The following B3GNT6 variants were observed in gnomAD, a reference collection of about 807,000 sequenced individuals.
B3GNT6 encodes the protein acetylgalactosaminyl-O-glycosyl-glycoprotein beta-1,3-N-acetylglucosaminyltransferase.
For synonymous variants in B3GNT6, 300 were observed against 270.0 expected (o/e 1.11, Z -1.09); for missense variants, 624 against 568.6 (o/e 1.10, Z -0.99).
Position 77,040,617 on chromosome 11 carries a change from C to T in B3GNT6, c.1066C>T (p.His356Tyr), listed in dbSNP as rs782540707. 3.1e-6 allele frequency: 5 copies of T among 1,598,312 alleles called. No individual in the cohort carries two copies. Among genetic ancestry groups the T allele is most frequent in the Non-Finnish European group, 3.4e-6 (4 of 1,178,514 alleles). The change falls in exon 2 of 2, where the codon CAC (histidine) becomes TAC (tyrosine). Residue 356 changes from histidine (H) to tyrosine (Y), a missense_variant. Transcript: ENST00000622824. ...CATGTACCGCGAGTTGCTGCTAGTG[C>T]ACCGCTTCGCGCCCTACGAGATGCT... ...PCMYRELLLVHRFAPYEMLLM... is the reference protein window; with the variant it reads ...PCMYRELLLVYRFAPYEMLLM...
At chr11:77,039,099 A>G (rs1555027317) in intron 1 of B3GNT6, among the ~76,000 whole-genome samples, 1 of 152,194 alleles carries the variant, frequency 6.6e-6, no homozygotes, top group Non-Finnish European at 1.5e-5. Context: ...TCCGAGCTGG[A>G]CAGAGGCGGA....
intron 1 of B3GNT6, among the ~76,000 whole-genome samples, chr11:77,036,906 G>T (rs1304199436): frequency 2.0e-5 from 3 of 152,170 alleles, no homozygotes; most frequent in Non-Finnish European, 4.4e-5. Flanking sequence ...GTCTAACAGG[G>T]TACCTGGTCT....
In B3GNT6 at chr11:77,038,650, C is replaced by T. The variant is rs542748263; in HGVS notation, c.1-902C>T. On this transcript the variant is annotated intron_variant, in intron 1 of 1. Transcript: ENST00000622824. ...ATTTTTAGCAGGGCACAGTTAAATA[C>T]GGGAAAGGTTGTTCTGACCTGGGAT... Among the ~76,000 whole-genome samples, 5 of 152,090 alleles carry T rather than the reference C, an allele frequency of 3.3e-5. No individual in the cohort carries two copies. In the South Asian group the frequency reaches 6.2e-4, roughly 19 times the overall value.
At chr11:77,035,330 C>A (rs1234640314) in intron 1 of B3GNT6, among the ~76,000 whole-genome samples, 1 of 152,178 alleles carries the variant, frequency 6.6e-6, no homozygotes, top group Non-Finnish European at 1.5e-5. Flanking sequence ...CCTGTGTTAG[C>A]CAACTGCTAA....
In B3GNT6 at chr11:77,039,915, G is replaced by A; in HGVS notation, c.364G>A (p.Ala122Thr). Residue 122 changes from alanine to threonine, a missense_variant, in exon 2 of 2, where the codon GCG becomes ACG. Physicochemically the swap from Ala to Thr is moderately conservative, Grantham distance 58. Transcript: ENST00000622824. Reference protein sequence around the residue: ...AGGRGVFLLLAVKSAPEHYER... With the variant: ...AGGRGVFLLLTVKSAPEHYER... ...CGGCCGAGGCGTGTTCCTGCTCCTG[G>A]CGGTGAAGTCGGCGCCTGAGCACTA... 1 of 1,592,968 alleles carries A rather than the reference G, an allele frequency of 6.3e-7. No homozygotes were observed. The highest frequency in any genetic ancestry group is 8.5e-7 in the Non-Finnish European group (1 of 1,177,040).
rs1555027573 is a variant in B3GNT6 at position 77,040,033 on chromosome 11, GC to G, written c.486del (p.Glu163ArgfsTer70). On this transcript the variant is annotated frameshift_variant, in exon 2 of 2. Coordinates refer to ENST00000622824, the MANE Select transcript of B3GNT6 (RefSeq NM_138706.5). LOFTEE classifies it low-confidence loss of function (END_TRUNC). ...VRRLFLLGTP[G>X]PEDEARAERL... ...CGCCTCTTTCTATTGGGCACCCCGG[GC>G]CCCGAGGACGAGGCGCGCGCGGAGC... The G allele has an allele frequency of 1.3e-6, 2 of 1,579,470 alleles. No homozygotes were observed. Among genetic ancestry groups the G allele is most frequent in the South Asian group, 1.1e-5 (1 of 88,548 alleles).
At position 77,039,791 on chromosome 11, in the gene B3GNT6, C is replaced by G. The variant is rs1555027454; in HGVS notation, c.240C>G (p.Ala80=). The G allele has an allele frequency of 6.3e-7, 1 of 1,579,560 alleles. No individual in the cohort carries two copies. Among genetic ancestry groups the G allele is most frequent in the Admixed American group, 1.8e-5 (1 of 56,224 alleles). The change falls in exon 2 of 2, where the codon GCC becomes GCG. Residue 80 remains alanine (A), a synonymous_variant. Coordinates refer to ENST00000622824, the MANE Select transcript of B3GNT6 (RefSeq NM_138706.5). The part of the protein sequence containing the change: ...CVANASANAT[A]DFEQLPARIQ... ...CGAACGCCTCGGCGAACGCCACGGC[C>G]GACTTCGAGCAGCTGCCCGCGCGCA...
At chr11:77,034,977 G>A (rs1949622645) in intron 1 of B3GNT6, among the ~76,000 whole-genome samples, 1 of 152,120 alleles carries the variant, frequency 6.6e-6, no homozygotes, top group Non-Finnish European at 1.5e-5. Flanking sequence ...TCGCAAACAT[G>A]GTAAAACCTC....
rs782365931 is a variant in B3GNT6 at position 77,039,765 on chromosome 11, G to A, written c.214G>A (p.Ala72Thr). 6.9e-6 allele frequency: 11 copies of A among 1,591,082 alleles called. No individual in the cohort carries two copies. The highest frequency in any genetic ancestry group is 1.7e-4 in the Middle Eastern group (1 of 6,008). The change falls in exon 2 of 2, where the codon GCG becomes ACG. Residue 72 changes from alanine (A) to threonine (T), a missense_variant. Transcript: ENST00000622824. ...SELVPGPPCV[A>T]NASANATADF... Reference sequence around the variant, plus strand: ...GCTCGTCCCCGGGCCCCCGTGCGTGGCGAACGCCTCGGCGAACGCCACGGC... The same window carrying A: ...GCTCGTCCCCGGGCCCCCGTGCGTGACGAACGCCTCGGCGAACGCCACGGC...
rs781875528 is a variant in B3GNT6 at position 77,040,553 on chromosome 11, G to A, written c.1002G>A (p.Val334=). 1 of 1,580,886 alleles carries A rather than the reference G, an allele frequency of 6.3e-7. No individual in the cohort carries two copies. ...ACGAGGGCATCCGACCCTTCGGCGT[G>A]CAGCTGCCTGGCGCACAGCAGTCCT... The part of the protein sequence containing the change: ...SGHEGIRPFG[V]QLPGAQQSSF... Residue 334 remains valine, a synonymous_variant, in exon 2 of 2, where the codon GTG becomes GTA. Coordinates refer to ENST00000622824, the MANE Select transcript of B3GNT6 (RefSeq NM_138706.5).
intron 1 of B3GNT6, among the ~76,000 whole-genome samples, chr11:77,037,846 C>T (rs192915952): frequency 2.2e-4 from 30 of 135,948 alleles, no homozygotes; most frequent in East Asian, 1.6e-3. Flanking sequence ...CTGGGAAGTG[C>T]GGACTGCAGT....
Position 77,040,718 on chromosome 11 carries a change from C to G in B3GNT6, c.*12C>G, listed in dbSNP as rs1240601411. The G allele has an allele frequency of 5.8e-6, 9 of 1,550,886 alleles. No homozygotes were observed. In the African/African-American group the frequency reaches 6.8e-5, roughly 12 times the overall value. On this transcript the variant is annotated 3_prime_UTR_variant, in exon 2 of 2. Transcript: ENST00000622824. ...ACCGGGTCTCCTGAGGCCAGTTGGGCGGCTTCAGCCCCGGGCCTCCAACCA... is the reference window on the plus strand; with the variant it reads ...ACCGGGTCTCCTGAGGCCAGTTGGGGGGCTTCAGCCCCGGGCCTCCAACCA...
Position 77,039,706 on chromosome 11 carries a change from C to G in B3GNT6, c.155C>G (p.Thr52Ser). The G allele has an allele frequency of 6.2e-7, 1 of 1,608,448 alleles. No homozygotes were observed. The highest frequency in any genetic ancestry group is 8.5e-7 in the Non-Finnish European group (1 of 1,178,372). The change falls in exon 2 of 2, where the codon ACC (threonine) becomes AGC (serine). Residue 52 changes from threonine (T) to serine (S), a missense_variant. Physicochemically the swap from Thr to Ser is moderately conservative, Grantham distance 58 (BLOSUM62 1). Coordinates refer to ENST00000622824, the MANE Select transcript of B3GNT6 (RefSeq NM_138706.5). ...SPQEETPEGP[T>S]DAPAADEPPS... ...CAGGAGGAGACGCCAGAGGGTCCCA[C>G]CGACGCTCCCGCGGCTGACGAGCCG...
intron 1 of B3GNT6, among the ~76,000 whole-genome samples, chr11:77,035,961 T>C (rs1207804474): frequency 1.3e-5 from 2 of 152,250 alleles, no homozygotes; most frequent in Non-Finnish European, 2.9e-5. Flanking sequence ...CTTTTTTAAC[T>C]AGTATTTGTG....
Position 77,040,055 on chromosome 11 carries a change from G to C in B3GNT6, c.504G>C (p.Ala168=), listed in dbSNP as rs1017033463. ...GTPGPEDEAR[A]ERLAELVALE... The stretch of plus-strand genomic sequence containing the variant: ...CGGGCCCCGAGGACGAGGCGCGCGC[G>C]GAGCGGCTGGCGGAGCTGGTGGCGC... The change falls in exon 2 of 2, where the codon GCG becomes GCC. Residue 168 remains alanine, a synonymous_variant. Transcript: ENST00000622824. 6.4e-7 allele frequency: 1 copy of C among 1,571,706 alleles called. No homozygotes were observed. Among genetic ancestry groups the C allele is most frequent in the Non-Finnish European group, 8.6e-7 (1 of 1,169,570 alleles).
rs889070560 is a variant in B3GNT6 at position 77,040,456 on chromosome 11, C to T, written c.905C>T (p.Thr302Ile). Residue 302 changes from threonine (T) to isoleucine (I), a missense_variant, in exon 2 of 2, where the codon ACC becomes ATC. Coordinates refer to ENST00000622824, the MANE Select transcript of B3GNT6 (RefSeq NM_138706.5). Reference sequence around the variant, plus strand: ...GCCCTGCGCGCGGCCGCCCGCCACACCCCGCTCTTCCCCATCGACGACGCC... The same window carrying T: ...GCCCTGCGCGCGGCCGCCCGCCACATCCCGCTCTTCCCCATCGACGACGCC... ...ARALRAAARH[T>I]PLFPIDDAYM... is the part of the protein sequence containing the mutation. 57 of 1,535,726 alleles carry T rather than the reference C, an allele frequency of 3.7e-5. No individual in the cohort carries two copies. In the African/African-American group the frequency reaches 6.2e-4, roughly 17 times the overall value.
chr11:77,036,436 G>T (rs1280305838), intron 1 of B3GNT6, among the ~76,000 whole-genome samples: 1 of 152,206 alleles, frequency 6.6e-6, no homozygotes, highest in African/African-American at 2.4e-5. Context: ...GCTAGACATT[G>T]TGTATGGACT....
Position 77,040,238 on chromosome 11 carries a change from C to G in B3GNT6, c.687C>G (p.Thr229=), listed in dbSNP as rs775222478. 6.4e-5 allele frequency: 103 copies of G among 1,598,916 alleles called. No individual in the cohort carries two copies. The highest frequency in any genetic ancestry group is 1.0e-4 in the Admixed American group (6 of 59,946). The change falls in exon 2 of 2, where the codon ACC becomes ACG. Residue 229 remains threonine (T), a synonymous_variant. Transcript: ENST00000622824. ...LSGDDDVFVH[T]ANVVRFLQAQ... is the part of the protein sequence containing the mutation. ...GCGACGACGACGTGTTCGTGCACAC[C>G]GCCAACGTAGTCCGCTTCCTGCAGG...
chr11:77,037,870 A>G (rs977625684), intron 1 of B3GNT6, among the ~76,000 whole-genome samples: 36 of 135,224 alleles, frequency 2.7e-4, no homozygotes, highest in African/African-American at 1.0e-3. Flanking sequence ...CCACGATCAC[A>G]CCACTGCATT....
Sources: gnomAD v4.1 joint callset for allele counts (sites outside exome capture counted in the v4.1 genomes callset) on GRCh38, gnomAD v4.1.1 for gene constraint, MANE v1.5 for transcripts, NCBI Gene and HGNC (gene_info 2026-07-23, HGNC 2026-07-21) for gene names.